The following MGMT variants were observed in gnomAD, a reference collection of about 807,000 sequenced individuals.
MGMT encodes O-6-methylguanine-DNA methyltransferase.
Under a neutral mutation model 15.9 loss-of-function variants are expected in MGMT, and 14 were observed. The observed-to-expected ratio is 0.88, with a 90% CI of 0.58 to 1.37. The LOEUF (loss-of-function observed/expected upper bound fraction) is 1.37, where lower values mean the gene tolerates loss of function less well. MGMT is among the 40% of genes most tolerant of loss of function. MGMT has a pLI of 0.00. For synonymous variants in MGMT, 130 were observed against 118.2 expected, an observed-to-expected ratio of 1.10 and a Z score of -0.65; for missense variants, 282 against 268.1, an observed-to-expected ratio of 1.05 and a Z score of -0.36.
At chr10:129,741,742 G>C (rs1848635696) in intron 3 of MGMT, among the ~76,000 whole-genome samples, 1 of 152,208 alleles carries the variant, frequency 6.6e-6, no homozygotes, top group Non-Finnish European at 1.5e-5. Flanking sequence ...CCGTTTCCCA[G>C]AGGTGGCCAG....
chr10:129,558,394 G>A (rs777302781), intron 2 of MGMT, among the ~76,000 whole-genome samples: 11 of 152,168 alleles, frequency 7.2e-5, no homozygotes, highest in Non-Finnish European at 1.5e-4. Flanking sequence ...TCATGAATTT[G>A]TTGTTATCTT....
At chr10:129,618,424 C>G (rs556959614) in intron 2 of MGMT, among the ~76,000 whole-genome samples, 1 of 152,128 alleles carries the variant, frequency 6.6e-6, no homozygotes, top group East Asian at 1.9e-4. Flanking sequence ...TGTAGTAAGT[C>G]TTGGTGTCTT....
intron 2 of MGMT, among the ~76,000 whole-genome samples, chr10:129,692,355 A>G (rs1847979475): frequency 6.6e-6 from 1 of 152,192 alleles, no homozygotes; most frequent in African/African-American, 2.4e-5. Context: ...CCAGGGGCCT[A>G]TCAGGCGCCT....
chr10:129,602,454 C>T (rs1043153924), intron 2 of MGMT, among the ~76,000 whole-genome samples: 2 of 152,114 alleles, frequency 1.3e-5, no homozygotes, highest in African/African-American at 4.8e-5. Context: ...CTTGTGAGAG[C>T]GGATTCACCA....
intron 1 of MGMT, among the ~76,000 whole-genome samples, chr10:129,470,245 C>T (rs939696138): frequency 2.0e-5 from 3 of 152,160 alleles, no homozygotes; most frequent in Non-Finnish European, 4.4e-5. Flanking sequence ...ACGCTGTTAG[C>T]TCTGCAGGCC....
chr10:129,560,222 G>A (rs909927282), intron 2 of MGMT, among the ~76,000 whole-genome samples: 2 of 152,186 alleles, frequency 1.3e-5, no homozygotes, highest in Non-Finnish European at 2.9e-5. Context: ...ATATAAAAAC[G>A]AGGATCGTTT....
intron 1 of MGMT, among the ~76,000 whole-genome samples, chr10:129,469,863 T>C (rs1223286705): frequency 4.6e-5 from 7 of 152,088 alleles, no homozygotes; most frequent in Non-Finnish European, 1.5e-5. Flanking sequence ...TGCGCCACCA[T>C]ACCTGGCTAA....
intron 2 of MGMT, among the ~76,000 whole-genome samples, chr10:129,683,468 G>C (rs1169299680): frequency 6.6e-6 from 1 of 152,192 alleles, no homozygotes; most frequent in Admixed American, 6.5e-5. Flanking sequence ...AAATGCCCGG[G>C]TGAGTGCTAG....
chr10:129,704,039 G>A (rs989312753), intron 2 of MGMT, among the ~76,000 whole-genome samples: 32 of 152,110 alleles, frequency 2.1e-4, no homozygotes, highest in Admixed American at 3.9e-4. Flanking sequence ...CTGTTCGGCC[G>A]CCTTCCCCAG....
At chr10:129,631,842 AAT>A (rs1847213185) in intron 2 of MGMT, among the ~76,000 whole-genome samples, 1 of 152,212 alleles carries the variant, frequency 6.6e-6, no homozygotes. Flanking sequence ...AAATAAATAA[AAT>A]AAAAAATGTA....
At chr10:129,661,470 A>G (rs1847597224) in intron 2 of MGMT, among the ~76,000 whole-genome samples, 1 of 152,188 alleles carries the variant, frequency 6.6e-6, no homozygotes, top group African/African-American at 2.4e-5. Flanking sequence ...ATTTTTCAAA[A>G]AGCTTACATT....
At chr10:129,654,119 G>A (rs957298468) in intron 2 of MGMT, among the ~76,000 whole-genome samples, 2 of 152,148 alleles carry the variant, frequency 1.3e-5, no homozygotes, top group Non-Finnish European at 2.9e-5. Context: ...CTGCCTCGCC[G>A]ACCCCCGCCT....
intron 1 of MGMT, among the ~76,000 whole-genome samples, chr10:129,502,291 A>G (rs1230818256): frequency 1.3e-5 from 2 of 152,166 alleles, no homozygotes; most frequent in East Asian, 1.9e-4. Context: ...TTCTTCATCT[A>G]CACACCATTT....
rs1847576906 is a variant in MGMT, at chr10:129,659,938, A to T, written c.126-47957A>T. On this transcript the variant is annotated intron_variant, in intron 2 of 4. Coordinates refer to ENST00000651593, the MANE Select transcript of MGMT (RefSeq NM_002412.5). This position sits in a 1 kb window ranked among gnomAD's most constrained non-coding sequence, Gnocchi z 4.1. The stretch of plus-strand genomic sequence containing the variant: ...CCCCAGCTCTCTATGGCATTAGTAG[A>T]TGCTGGAAGATGAGGCCGTGTTTTC... Among the ~76,000 whole-genome samples, 2 of 152,178 alleles carry T rather than the reference A, an allele frequency of 1.3e-5. No individual in the cohort carries two copies. Among genetic ancestry groups the T allele is most frequent in the Admixed American group, 1.3e-4 (2 of 15,284 alleles).
Position 129,527,169 on chromosome 10 carries a change from T to C in MGMT, c.-12-9072T>C, listed in dbSNP as rs1312297335. ...TAAATGTGGGCTGTGTTGTCGTCCC[T>C]GTGCAAGCCTGAGAGGCAGACAGCA... On this transcript the variant is annotated intron_variant, in intron 1 of 4. Coordinates refer to ENST00000651593, the MANE Select transcript of MGMT (RefSeq NM_002412.5). Among the ~76,000 whole-genome samples the C allele has an allele frequency of 2.6e-5, 4 of 152,342 alleles. 1 individual carries two copies. The highest frequency in any genetic ancestry group is 9.6e-5 in the African/African-American group (4 of 41,582).
chr10:129,728,560 C>G (rs976129497), intron 3 of MGMT, among the ~76,000 whole-genome samples: 4 of 152,140 alleles, frequency 2.6e-5, no homozygotes, highest in African/African-American at 9.7e-5. Flanking sequence ...CCAGCCCTCT[C>G]ATGGCCCGCT....
chr10:129,717,016 C>G (rs1008390693), intron 3 of MGMT, among the ~76,000 whole-genome samples: 1 of 152,220 alleles, frequency 6.6e-6, no homozygotes, highest in Non-Finnish European at 1.5e-5. Context: ...GCTCCACTCT[C>G]CGAATCACTT....
At chr10:129,467,799 G>C (rs1159755889) in intron 1 of MGMT, among the ~76,000 whole-genome samples, 5 of 152,212 alleles carry the variant, frequency 3.3e-5, no homozygotes, top group Non-Finnish European at 7.3e-5. Context: ...TACCCTAACT[G>C]TATTCATCAA....
intron 2 of MGMT, among the ~76,000 whole-genome samples, chr10:129,648,686 C>T (rs1217453896): frequency 6.6e-6 from 1 of 152,066 alleles, no homozygotes; most frequent in East Asian, 1.9e-4. Flanking sequence ...TTTCTTCTTG[C>T]AGTGTTCCAG....
Sources: gnomAD v4.1 joint callset for allele counts (sites outside exome capture counted in the v4.1 genomes callset) on GRCh38, gnomAD v4.1.1 for gene constraint, Gnocchi (gnomAD v3.1) non-coding constraint, MANE v1.5 for transcripts, NCBI Gene and HGNC (gene_info 2026-07-23, HGNC 2026-07-21) for gene names.